The following NTN4 variants were observed in gnomAD, a reference collection of about 807,000 sequenced individuals.
NTN4 encodes the protein netrin-4.
In NTN4, 32 loss-of-function variants were observed where a neutral mutation model predicts 73.6. The observed-to-expected ratio is 0.44, with a 90% CI of 0.33 to 0.58. The LOEUF is 0.58. NTN4 is among the 20% of genes least tolerant of loss of function. The pLI, the probability that NTN4 is intolerant of heterozygous loss-of-function variation, is 0.04. For missense variants in NTN4, 654 were observed against 798.3 expected, an observed-to-expected ratio of 0.82 and a Z score of 2.18; for synonymous variants, 258 against 287.5, an observed-to-expected ratio of 0.90 and a Z score of 1.04.
At chr12:95,772,234 T>A (rs141493636) in intron 2 of NTN4, among the ~76,000 whole-genome samples, 83 of 152,212 alleles carry the variant, frequency 5.5e-4, no homozygotes, top group African/African-American at 1.8e-3. Context: ...GAGACAGGGT[T>A]TCGCCATGTT....
chr12:95,732,267 T>C (rs1371444303), intron 3 of NTN4, among the ~76,000 whole-genome samples: 1 of 151,744 alleles, frequency 6.6e-6, no homozygotes, highest in African/African-American at 2.4e-5. Flanking sequence ...TCTCCTTTCT[T>C]TCTCTCTCTC....
In NTN4 at chr12:95,790,063, G is replaced by T. The variant is rs2079196857; in HGVS notation, c.55+192C>A. On this transcript the variant is annotated intron_variant, in intron 1 of 9. Transcript: ENST00000343702. The surrounding 1 kb of genome is among the most constrained non-coding windows in gnomAD (Gnocchi z 6.5). ...GTTATCCAAGCGCATGTGTATCCCA[G>T]TTGTAAAAATAAATCAATAGTATTT... 1 of 480,642 alleles carries T rather than the reference G, an allele frequency of 2.1e-6. No individual in the cohort carries two copies. The highest frequency in any genetic ancestry group is 3.7e-6 in the Non-Finnish European group (1 of 267,882). The allele number at this position is 480,642 out of a possible 1,614,324, so 29.8% of individuals were successfully genotyped here. A position where few individuals can be genotyped will look rare whatever the true frequency, so the allele number is the denominator to read the frequency against.
In NTN4 at chr12:95,685,054, G is replaced by C. The variant is rs2078351062; in HGVS notation, c.1181-1343C>G. On this transcript the variant is annotated intron_variant, in intron 5 of 9. Transcript: ENST00000343702. ...CCAGCTAATTTTTGTATTTTTTATA[G>C]AGATGGGGTTTCACCATGTCCAGGC... Among the ~76,000 whole-genome samples, 5 of 152,064 alleles carry C rather than the reference G, an allele frequency of 3.3e-5. No individual in the cohort carries two copies. In the South Asian group the frequency reaches 8.3e-4, roughly 25 times the overall value.
chr12:95,777,564 A>G (rs998791021), intron 2 of NTN4, among the ~76,000 whole-genome samples: 17 of 152,242 alleles, frequency 1.1e-4, no homozygotes, highest in Non-Finnish European at 1.6e-4. Context: ...GAGACAAAAA[A>G]GGACATTACA....
chr12:95,751,495 C>T (rs867495435), intron 2 of NTN4, among the ~76,000 whole-genome samples: 5 of 152,038 alleles, frequency 3.3e-5, no homozygotes, highest in African/African-American at 7.2e-5. Flanking sequence ...GCCCGCAGCC[C>T]GGGATTCCTC....
At chr12:95,698,041 T>C (rs1439718504) in intron 5 of NTN4, among the ~76,000 whole-genome samples, 1 of 152,208 alleles carries the variant, frequency 6.6e-6, no homozygotes, top group Non-Finnish European at 1.5e-5. Flanking sequence ...AACCTAGAGA[T>C]GATTTACAGT....
chr12:95,774,314 A>T (rs932337508), intron 2 of NTN4, among the ~76,000 whole-genome samples: 1 of 152,158 alleles, frequency 6.6e-6, no homozygotes, highest in Non-Finnish European at 1.5e-5. Flanking sequence ...TGTTATTTCA[A>T]CTCACTAGGT....
In NTN4 at chr12:95,682,574, T is replaced by C. The variant is rs78734480; in HGVS notation, c.1510+133A>G. 12,371 of 563,634 alleles carry C rather than the reference T, an allele frequency of 0.022. 190 individuals are homozygous for C. Among genetic ancestry groups the C allele is most frequent in the Non-Finnish European group, 0.031 (9,791 of 316,006 alleles). The allele number at this position is 563,634 out of a possible 1,614,324, so 34.9% of individuals were successfully genotyped here. A position where few individuals can be genotyped will look rare whatever the true frequency, so the allele number is the denominator to read the frequency against. ...GTTTCATACTTACAGGAGTCACTAC[T>C]TTATTATACCATGAAACCCCAGAAC... On this transcript the variant is annotated intron_variant, in intron 7 of 9. Transcript: ENST00000343702.
chr12:95,664,593 A>G lies in NTN4; in HGVS notation c.1750+1217T>C, dbSNP rs936887919. The stretch of plus-strand genomic sequence containing the variant: ...TCAGTTATCTGCTTCTCTCAAATTT[A>G]TTAATCAATCAAAGACCGCAAAAGA... On this transcript the variant is annotated intron_variant, in intron 9 of 9. Transcript: ENST00000343702. 6.2e-4 allele frequency among the ~76,000 whole-genome samples: 18 copies of G among 29,106 alleles called. 1 individual carries two copies. The African/African-American group carries it at 6.8e-3, about 11-fold the overall frequency. 19.1% of individuals were successfully genotyped at this position (29,106 alleles called of 152,430 possible).
At chr12:95,779,765 C>G (rs1470495625) in intron 2 of NTN4, among the ~76,000 whole-genome samples, 1 of 152,192 alleles carries the variant, frequency 6.6e-6, no homozygotes, top group African/African-American at 2.4e-5. Context: ...CCATCCCCAT[C>G]AAGCTACCAA....
chr12:95,759,111 G>A (rs2078966973), intron 2 of NTN4, among the ~76,000 whole-genome samples: 1 of 152,134 alleles, frequency 6.6e-6, no homozygotes, highest in African/African-American at 2.4e-5. Context: ...CAGCACTGTT[G>A]ATTAGAAAGA....
intron 4 of NTN4, among the ~76,000 whole-genome samples, chr12:95,712,789 T>TTTTTTTTTTTTTTTTTTTTTG (rs2078574423): frequency 2.3e-5 from 1 of 42,586 alleles, no homozygotes; most frequent in Non-Finnish European, 4.7e-5. Context: ...CTTTCTTTCT[T>TTTTTTTTTTTTTTTTTTTTTG]TTTTTTTTTT....
intron 7 of NTN4, among the ~76,000 whole-genome samples, chr12:95,674,969 C>T (rs763941816): frequency 2.6e-5 from 4 of 152,138 alleles, no homozygotes; most frequent in Non-Finnish European, 4.4e-5. Context: ...TCCTATAGTC[C>T]TAAAAACTGG....
At chr12:95,723,157 C>T (rs541803962) in intron 3 of NTN4, among the ~76,000 whole-genome samples, 81 of 151,870 alleles carry the variant, frequency 5.3e-4, no homozygotes, top group African/African-American at 1.8e-3. Context: ...GTGAGGCCAG[C>T]GATAGACTAT....
At chr12:95,673,358 C>T (rs920712787) in intron 7 of NTN4, 40 of 245,358 alleles carry the variant, frequency 1.6e-4, no homozygotes, top group African/African-American at 8.1e-4. Context: ...TGGGTTTTTG[C>T]GACCGCTTTG....
At chr12:95,721,929 C>T (rs1036024936) in intron 3 of NTN4, among the ~76,000 whole-genome samples, 2 of 152,226 alleles carry the variant, frequency 1.3e-5, no homozygotes, top group Admixed American at 6.5e-5. Flanking sequence ...TGCACACGTG[C>T]GCGCACACAC....
chr12:95,742,535 T>C (rs191582738), intron 2 of NTN4, among the ~76,000 whole-genome samples: 96 of 152,144 alleles, frequency 6.3e-4, no homozygotes, highest in Non-Finnish European at 1.2e-3. Flanking sequence ...ATGCCTAACA[T>C]TGTATTGCCT....
chr12:95,741,461 ATATATATATATATC>A (rs2078825485), intron 2 of NTN4, among the ~76,000 whole-genome samples: 1 of 121,194 alleles, frequency 8.3e-6, no homozygotes, highest in Non-Finnish European at 1.7e-5. Flanking sequence ...ATATATATAT[ATATATATATATATC>A]TCCTCCATGC....
intron 2 of NTN4, chr12:95,740,114 G>C (rs1352298408): frequency 1.3e-5 from 2 of 152,274 alleles, no homozygotes; most frequent in African/African-American, 2.4e-5. Context: ...GAGTGCCACA[G>C]ACACAAAAGT....
Sources: allele counts gnomAD v4.1 joint callset (sites outside exome capture counted in the v4.1 genomes callset), GRCh38; gene constraint gnomAD v4.1.1; non-coding constraint Gnocchi (gnomAD v3.1); transcripts MANE v1.5; gene names NCBI Gene and HGNC (gene_info 2026-07-23, HGNC 2026-07-21).